AGRN: variants seen among roughly 807,000 people sequenced by gnomAD.
AGRN encodes agrin.
A neutral mutation model predicts 211.0 loss-of-function variants in AGRN; 106 were observed. The ratio of observed to expected loss-of-function variants is 0.50; its 90% CI spans 0.43 to 0.59. AGRN has a LOEUF of 0.59. Among genes scored for constraint, AGRN ranks in the 20% least tolerant of loss-of-function variants. The pLI is 0.00. For synonymous variants in AGRN, 1,525 were observed against 1,332.5 expected (o/e 1.14, Z -3.15); for missense variants, 3,040 against 2,982.6 (o/e 1.02, Z -0.45).
intron 2 of AGRN, among the ~76,000 whole-genome samples, chr1:1,023,551 C>G (rs150006517): frequency 6.6e-6 from 1 of 152,002 alleles, no homozygotes; most frequent in Admixed American, 6.6e-5. Context: ...ATGGGGGCAT[C>G]GTGGACTCAG....
At chr1:1,045,931 G>C (rs201176258) in intron 15 of AGRN, 33 bp from the exon 16 acceptor site, 1 of 1,611,792 alleles carries the variant, frequency 6.2e-7, no homozygotes, top group Non-Finnish European at 8.5e-7. Context: ...GGGGTCACCC[G>C]AGCCACAGAG....
At chr1:1,033,865 C>G (rs1167169615) in intron 2 of AGRN, among the ~76,000 whole-genome samples, 1 of 150,888 alleles carries the variant, frequency 6.6e-6, no homozygotes, top group African/African-American at 2.4e-5. Context: ...CCCGGCGTTC[C>G]CTTTTGTGCG....
rs768580966 is a variant in AGRN at position 1,045,916 on chromosome 1, G to C, written c.2680+40G>C. 4 of 1,610,904 alleles carry C rather than the reference G, an allele frequency of 2.5e-6. No homozygotes were observed. The Admixed American group carries it at 5.0e-5, about 20-fold the overall frequency. On this transcript the variant is annotated intron_variant, in intron 15 of 35. Coordinates refer to ENST00000379370, the MANE Select transcript of AGRN (RefSeq NM_198576.4). The stretch of plus-strand genomic sequence containing the variant: ...GCGCTACCCTGGGGCTTCATGGGGT[G>C]GGGTGGGGTCACCCGAGCCACAGAG...
intron 35 of AGRN, 72 bp from the exon 36 acceptor site, chr1:1,054,752 T>C: frequency 6.5e-7 from 1 of 1,527,974 alleles, no homozygotes; most frequent in Non-Finnish European, 8.8e-7. Flanking sequence ...CCCCTGCTGG[T>C]CACCTGCTCG....
intron 2 of AGRN, among the ~76,000 whole-genome samples, chr1:1,027,020 C>G (rs1007653284): frequency 1.3e-5 from 2 of 152,142 alleles, no homozygotes; most frequent in South Asian, 2.1e-4. Flanking sequence ...GAAGCCCCCC[C>G]GAAGGGGCCT....
chr1:1,053,831 C>G lies in AGRN; in HGVS notation c.5730C>G (p.Gly1910=). The G allele has an allele frequency of 3.7e-6, 6 of 1,610,886 alleles. No individual in the cohort carries two copies. The highest frequency in any genetic ancestry group is 4.2e-6 in the Non-Finnish European group (5 of 1,179,264). ...EATQGLVLWS[G]KATERADYVA... is the part of the protein sequence containing the mutation. ...CGCAGGGGCTGGTGCTCTGGAGTGG[C>G]AAGGCCACGGAGCGGGCAGACTATG... The change falls in exon 34 of 36, where the codon GGC becomes GGG. Residue 1910 remains glycine (G), a synonymous_variant. Coordinates refer to ENST00000379370, the MANE Select transcript of AGRN (RefSeq NM_198576.4).
rs1400043784 is a variant in AGRN, at chr1:1,045,849, G to A, written c.2653G>A (p.Ala885Thr). ...GTGTGGGCAGTGTCCAGACGGCCGT[G>A]CCCTGGGCCCCGCGGGCTGTGAAGC... is the stretch of plus-strand genomic sequence containing the variant. ...PKCGQCPDGR[A>T]LGPAGCEADA... is the part of the protein sequence containing the mutation. Residue 885 changes from alanine to threonine, a missense_variant, in exon 15 of 36, where the codon GCC (alanine) becomes ACC (threonine). By Grantham distance (58) the Ala-to-Thr change is moderately conservative. Transcript: ENST00000379370. The A allele has an allele frequency of 2.5e-6, 4 of 1,611,650 alleles. No individual in the cohort carries two copies. In the South Asian group the frequency reaches 4.4e-5, roughly 18 times the overall value.
At chr1:1,022,118 AT>A in intron 1 of AGRN, 82 bp from the exon 2 acceptor site, 1 of 1,550,222 alleles carries the variant, frequency 6.5e-7, no homozygotes. Context: ...TACTGTGGAC[AT>A]TTGCCCTAAA....
In AGRN at chr1:1,048,353, G is replaced by A. The variant is rs745802920; in HGVS notation, c.4093G>A (p.Val1365Ile). The change falls in exon 23 of 36, where the codon GTC (valine) becomes ATC (isoleucine). Residue 1365 changes from valine (V) to isoleucine (I), a missense_variant. Val to Ile is a conservative substitution (Grantham distance 29). Transcript: ENST00000379370. This position sits in a 1 kb window ranked among gnomAD's most constrained non-coding sequence, Gnocchi z 5.9. The stretch of plus-strand genomic sequence containing the variant: ...CTGCCCGGCAGGCAGGGGAGGCGCC[G>A]TCTGTGAGAAGGGTAAGGATGTCCA... ...CSCPAGRGGA[V>I]CEKVLGAPVP... The A allele has an allele frequency of 3.1e-5, 46 of 1,465,516 alleles. No homozygotes were observed. Among genetic ancestry groups the A allele is most frequent in the Non-Finnish European group, 3.4e-5 (38 of 1,105,576 alleles). The allele number at this position is 1,465,516 out of a possible 1,614,324, so 90.8% of individuals were successfully genotyped here.
In AGRN at chr1:1,044,013, G is replaced by A. The variant is rs374358844; in HGVS notation, c.1989G>A (p.Pro663=). 3.4e-5 allele frequency: 54 copies of A among 1,608,488 alleles called. No homozygotes were observed. The highest frequency in any genetic ancestry group is 1.6e-4 in the African/African-American group (12 of 74,904). Residue 663 remains proline, a synonymous_variant, in exon 10 of 36, where the codon CCG becomes CCA. Transcript: ENST00000379370. ...QTQIEEARAG[P]CEQAECGSGG... Reference sequence around the variant, plus strand: ...AGATCGAGGAGGCCCGGGCAGGGCCGTGCGAGCAGGGTAGGCCGGGGGACG... The same window carrying A: ...AGATCGAGGAGGCCCGGGCAGGGCCATGCGAGCAGGGTAGGCCGGGGGACG...
At chr1:1,043,802 G>A (rs1465018543) in intron 9 of AGRN, 21 bp from the exon 10 acceptor site, 1 of 1,609,278 alleles carries the variant, frequency 6.2e-7, no homozygotes, top group Non-Finnish European at 8.5e-7. Flanking sequence ...GCCGACCCCT[G>A]CCTGGCTCTG....
rs1448054808 is a variant in AGRN at position 1,046,178 on chromosome 1, G to A, written c.2824G>A (p.Val942Ile). The A allele has an allele frequency of 2.5e-6, 4 of 1,613,740 alleles. No individual in the cohort carries two copies. In the African/African-American group the frequency reaches 5.3e-5, roughly 22 times the overall value. ...NATKVCGSDG[V>I]TYGNECQLKT... is the part of the protein sequence containing the mutation. ...GCCCCAGGTCTGTGGGTCAGATGGA[G>A]TCACATACGGCAACGAGTGTCAGCT... Residue 942 changes from valine (V) to isoleucine (I), a missense_variant, in exon 17 of 36, where the codon GTC (valine) becomes ATC (isoleucine). Around this residue, in one of 3 missense-constraint regions of AGRN, gnomAD observed 1,498 missense variants for 1,457.8 expected, o/e 1.03. Transcript: ENST00000379370.
At position 1,046,858 on chromosome 1, in the gene AGRN, G is replaced by C; in HGVS notation, c.3289G>C (p.Gly1097Arg). 1 of 1,587,066 alleles carries C rather than the reference G, an allele frequency of 6.3e-7. No homozygotes were observed. The highest frequency in any genetic ancestry group is 8.6e-7 in the Non-Finnish European group (1 of 1,168,846). Reference sequence around the variant, plus strand: ...GGAGGGCAGCAGCGTGGCCACCCCTGGGCCACCTGTCGAGAGGGCTTCCTG... The same window carrying C: ...GGAGGGCAGCAGCGTGGCCACCCCTCGGCCACCTGTCGAGAGGGCTTCCTG... ...PLEGSSVATP[G>R]PPVERASCYN... The change falls in exon 19 of 36, where the codon GGG becomes CGG. Residue 1097 changes from glycine to arginine, a missense_variant. Coordinates refer to ENST00000379370, the MANE Select transcript of AGRN (RefSeq NM_198576.4).
intron 2 of AGRN, among the ~76,000 whole-genome samples, chr1:1,023,063 G>A (rs1644445133): frequency 6.6e-6 from 1 of 152,242 alleles, no homozygotes; most frequent in South Asian, 2.1e-4. Flanking sequence ...GTTGGGGACT[G>A]AGATCGTTGG....
intron 3 of AGRN, among the ~76,000 whole-genome samples, chr1:1,035,906 T>TC (rs1482504956): frequency 4.6e-5 from 7 of 151,978 alleles, no homozygotes; most frequent in Middle Eastern, 3.2e-3. Context: ...GGGCCTGTCC[T>TC]CCCCGGGGTG....
rs1438592464 is a variant in AGRN, at chr1:1,041,541, G to T, written c.1016G>T (p.Arg339Leu). The part of the protein sequence containing the change: ...RSCRVNPRTR[R>L]PEMLLRPESC... Reference sequence around the variant, plus strand: ...TGCCGTGTGAACCCGCGCACGCGGCGCCCTGAGATGCTCCTACGGCCCGAG... The same window carrying T: ...TGCCGTGTGAACCCGCGCACGCGGCTCCCTGAGATGCTCCTACGGCCCGAG... The change falls in exon 6 of 36, where the codon CGC becomes CTC. Residue 339 changes from arginine to leucine, a missense_variant. Arg to Leu is a moderately radical substitution (Grantham distance 102, BLOSUM62 -2). Transcript: ENST00000379370. The T allele has an allele frequency of 3.1e-6, 5 of 1,606,424 alleles. No individual in the cohort carries two copies. The highest frequency in any genetic ancestry group is 4.2e-6 in the Non-Finnish European group (5 of 1,179,172).
In AGRN at chr1:1,021,885, A is replaced by T. The variant is rs565825306; in HGVS notation, c.202-316A>T. The stretch of plus-strand genomic sequence containing the variant: ...GAGAAGTGTGGAAGGCAGGCACCCC[A>T]AGCCAGGTGGGCCCCCTTCCCAAAT... On this transcript the variant is annotated intron_variant, in intron 1 of 35. Transcript: ENST00000379370. 9.9e-5 allele frequency among the ~76,000 whole-genome samples: 15 copies of T among 152,238 alleles called. No individual in the cohort carries two copies. The East Asian group carries it at 2.9e-3, about 29-fold the overall frequency.
chr1:1,047,376 G>A lies in AGRN; in HGVS notation c.3438G>A (p.Gln1146=), dbSNP rs761696738. 7 of 1,611,258 alleles carry A rather than the reference G, an allele frequency of 4.3e-6. No homozygotes were observed. Among genetic ancestry groups the A allele is most frequent in the Middle Eastern group, 1.7e-4 (1 of 6,058 alleles). Residue 1146 remains glutamine, a synonymous_variant, in exon 20 of 36, where the codon CAG becomes CAA. Coordinates refer to ENST00000379370, the MANE Select transcript of AGRN (RefSeq NM_198576.4). ...GVLELEGVEG[Q]ELFYTPEMAD... is the part of the protein sequence containing the mutation. Reference sequence around the variant, plus strand: ...TGGAGCTGGAGGGCGTCGAGGGCCAGGAGCTGTTCTACACGCCCGAGATGG... The same window carrying A: ...TGGAGCTGGAGGGCGTCGAGGGCCAAGAGCTGTTCTACACGCCCGAGATGG...
intron 2 of AGRN, among the ~76,000 whole-genome samples, chr1:1,033,267 C>T (rs2100600540): frequency 6.6e-6 from 1 of 152,192 alleles, no homozygotes; most frequent in South Asian, 2.1e-4. Context: ...CTGGGCCGCT[C>T]ACCTCACTCC....
Sources: gnomAD v4.1 joint callset for allele counts (sites outside exome capture counted in the v4.1 genomes callset) on GRCh38, gnomAD v4.1.1 for gene constraint, gnomAD v4.1.1 regional missense constraint, Gnocchi (gnomAD v3.1) non-coding constraint, MANE v1.5 for transcripts, NCBI Gene and HGNC (gene_info 2026-07-23, HGNC 2026-07-21) for gene names.